Variants in PPP2CA observed in about 807,000 individuals in gnomAD.
PPP2CA encodes the protein serine/threonine-protein phosphatase 2A catalytic subunit alpha isoform.
A neutral mutation model predicts 38.8 loss-of-function variants in PPP2CA; 5 were observed. The ratio of observed to expected loss-of-function variants is 0.13; its 90% confidence interval spans 0.07 to 0.27. The LOEUF (loss-of-function observed/expected upper bound fraction) is 0.27. PPP2CA is among the 10% of genes least tolerant of loss of function. PPP2CA has a pLI of 1.00. For synonymous variants in PPP2CA, 152 were observed against 134.0 expected, an observed-to-expected ratio of 1.13 and a Z score of -0.93; for missense variants, 88 against 389.7, an observed-to-expected ratio of 0.23 and a Z score of 6.52.
chr5:134,201,937 A>C lies in PPP2CA; in HGVS notation c.397T>G (p.Cys133Gly). 1 of 1,614,060 alleles carries C rather than the reference A, an allele frequency of 6.2e-7. No homozygotes were observed. The highest frequency in any genetic ancestry group is 1.1e-5 in the South Asian group (1 of 91,056). ...TTTGCATTTCCATATTTTCTTAAAC[A>C]TTCATCATAGAAACCATAAACTTGT... ...ITQVYGFYDE[C>G]LRKYGNANVW... The change falls in exon 3 of 7, where the codon TGT (cysteine) becomes GGT (glycine). Residue 133 changes from cysteine to glycine, a missense_variant. Cys to Gly is a radical substitution (Grantham distance 159, BLOSUM62 -3). Around this residue, in one of 4 missense-constraint regions of PPP2CA, gnomAD observed 36 missense variants for 259.8 expected, o/e 0.14. Coordinates refer to ENST00000481195, the MANE Select transcript of PPP2CA (RefSeq NM_002715.4).
At position 134,203,835 on chromosome 5, in the gene PPP2CA, C is replaced by T. The variant is rs151164945; in HGVS notation, c.313-1814G>A. On this transcript the variant is annotated intron_variant, in intron 2 of 6. Coordinates refer to ENST00000481195, the MANE Select transcript of PPP2CA (RefSeq NM_002715.4). ...GGCTCAAGCAATCCTCCCACCTCAG[C>T]CTCCAGAGTGGCTAGGACTACAGCA... Among the ~76,000 whole-genome samples the T allele has an allele frequency of 1.2e-3, 185 of 152,284 alleles. 1 individual carries two copies. In the East Asian group the frequency reaches 0.034, roughly 28 times the overall value.
rs1761868389 is a variant in PPP2CA at position 134,197,079 on chromosome 5, AT to A, written c.*692del. The A allele has an allele frequency of 6.6e-6, 1 of 152,644 alleles. No individual in the cohort carries two copies. Among genetic ancestry groups the A allele is most frequent in the East Asian group, 1.9e-4 (1 of 5,202 alleles). The allele number at this position is 152,644 out of a possible 1,614,324, so 9.5% of individuals were successfully genotyped here. On this transcript the variant is annotated 3_prime_UTR_variant, in exon 7 of 7. Transcript: ENST00000481195. Reference sequence around the variant, plus strand: ...AGTCTTGCCCATTGATACAATTAAAATTTGACCTTCTCAGTTCTTAGTTCAC... The same window carrying A: ...AGTCTTGCCCATTGATACAATTAAAATTGACCTTCTCAGTTCTTAGTTCAC...
intron 1 of PPP2CA, among the ~76,000 whole-genome samples, chr5:134,217,989 A>G (rs1156648001): frequency 1.3e-5 from 2 of 152,216 alleles, no homozygotes; most frequent in Non-Finnish European, 2.9e-5. Flanking sequence ...TAAACAATAT[A>G]AAGTGTTACA....
In PPP2CA at chr5:134,201,899, A is replaced by G. The variant is rs1442906970; in HGVS notation, c.435T>C (p.Tyr145=). ...GAAGATAGTCAAAAAGATCTGTAAA[A>G]TATTTCCAAACATTTGCATTTCCAT... The part of the protein sequence containing the change: ...RKYGNANVWK[Y]FTDLFDYLPL... Residue 145 remains tyrosine, a synonymous_variant, in exon 3 of 7, where the codon TAT becomes TAC. Transcript: ENST00000481195. The G allele has an allele frequency of 5.0e-6, 8 of 1,613,874 alleles. No homozygotes were observed. Among genetic ancestry groups the G allele is most frequent in the African/African-American group, 1.3e-5 (1 of 74,916 alleles).
rs182338714 is a variant in PPP2CA, at chr5:134,197,450, T to A, written c.*322A>T. The A allele has an allele frequency of 1.5e-5, 4 of 275,664 alleles. No homozygotes were observed. 17.1% of individuals were successfully genotyped at this position (275,664 alleles called of 1,614,324 possible). A position where few individuals can be genotyped will look rare whatever the true frequency, so the allele number is the denominator to read the frequency against. On this transcript the variant is annotated 3_prime_UTR_variant, in exon 7 of 7. Coordinates refer to ENST00000481195, the MANE Select transcript of PPP2CA (RefSeq NM_002715.4). ...TAGCTAAATGGAAGTTAAATTGTAT[T>A]CACGAGGTGTTAATGTTTACATCTT... is the stretch of plus-strand genomic sequence containing the variant.
chr5:134,204,699 C>CAAGGA (rs1178838892), intron 2 of PPP2CA, among the ~76,000 whole-genome samples: 1 of 152,080 alleles, frequency 6.6e-6, no homozygotes, highest in African/African-American at 2.4e-5. Context: ...CTCAAGTGAT[C>CAAGGA]CTTCCCGCCT....
At chr5:134,221,967 CA>C (rs35713465) in intron 1 of PPP2CA, among the ~76,000 whole-genome samples, 9,258 of 78,140 alleles carry the variant, frequency 0.12, 582 homozygotes, top group African/African-American at 0.28. Context: ...GACCTTATCT[CA>C]AAAAAAAAAA....
At position 134,225,972 on chromosome 5, in the gene PPP2CA, G is replaced by C; in HGVS notation, c.-111C>G. 1 of 1,007,626 alleles carries C rather than the reference G, an allele frequency of 9.9e-7. No homozygotes were observed. The highest frequency in any genetic ancestry group is 1.5e-6 in the Non-Finnish European group (1 of 687,272). The allele number at this position is 1,007,626 out of a possible 1,614,324, so 62.4% of individuals were successfully genotyped here. On this transcript the variant is annotated 5_prime_UTR_variant, in exon 1 of 7. Coordinates refer to ENST00000481195, the MANE Select transcript of PPP2CA (RefSeq NM_002715.4). Reference sequence around the variant, plus strand: ...GGTTCCTCGTGTACTTCTGGCGGCTGTTGAGGCTGGCGCTGGCCCGCTGGC... The same window carrying C: ...GGTTCCTCGTGTACTTCTGGCGGCTCTTGAGGCTGGCGCTGGCCCGCTGGC...
rs1424267882 is a variant in PPP2CA, at chr5:134,200,977, AG to A, written c.576+7del. 2 of 1,586,410 alleles carry A rather than the reference AG, an allele frequency of 1.3e-6. No homozygotes were observed. The highest frequency in any genetic ancestry group is 1.7e-6 in the Non-Finnish European group (2 of 1,154,916). ...TTCTGAAAGAATTTTATCAAATAAA[AG>A]TCATACCTCATGGGGAACTTCTTGT... On this transcript the variant is annotated splice_region_variant and intron_variant, in intron 4 of 6. Coordinates refer to ENST00000481195, the MANE Select transcript of PPP2CA (RefSeq NM_002715.4).
intron 3 of PPP2CA, among the ~76,000 whole-genome samples, chr5:134,201,388 C>T (rs919928639): frequency 6.6e-5 from 10 of 152,232 alleles, no homozygotes; most frequent in African/African-American, 2.4e-4. Flanking sequence ...CACTCCTGTT[C>T]TTCCTAATAG....
intron 1 of PPP2CA, among the ~76,000 whole-genome samples, chr5:134,217,534 C>G (rs1762347328): frequency 6.6e-6 from 1 of 152,118 alleles, no homozygotes. Context: ...TTTTCAATAT[C>G]CCAAGAGAAT....
rs1232376940 is a variant in PPP2CA at position 134,200,437 on chromosome 5, A to T, written c.636T>A (p.Ser212=). 6.2e-7 allele frequency: 1 copy of T among 1,614,220 alleles called. No homozygotes were observed. Among genetic ancestry groups the T allele is most frequent in the Non-Finnish European group, 8.5e-7 (1 of 1,180,026 alleles). Residue 212 remains serine (S), a synonymous_variant, in exon 5 of 7, where the codon TCT becomes TCA. Transcript: ENST00000481195. ...DPDDRGGWGI[S]PRGAGYTFGQ... is the part of the protein sequence containing the mutation. The stretch of plus-strand genomic sequence containing the variant: ...CAAAGGTGTAACCAGCTCCTCGAGG[A>T]GATATACCCCAACCACCACGGTCAT...
At chr5:134,208,983 G>A (rs1178346303) in intron 1 of PPP2CA, among the ~76,000 whole-genome samples, 1 of 151,998 alleles carries the variant, frequency 6.6e-6, no homozygotes. Flanking sequence ...ATATATCCTC[G>A]TATTTTCTCC....
chr5:134,198,716 C>T (rs62379432), intron 6 of PPP2CA, among the ~76,000 whole-genome samples: 2,404 of 152,180 alleles, frequency 0.016, 30 homozygotes, highest in Middle Eastern at 0.034. Context: ...CAGGCAGGCG[C>T]CACCATGCTG....
chr5:134,216,781 G>T (rs922480843), intron 1 of PPP2CA, among the ~76,000 whole-genome samples: 1 of 152,064 alleles, frequency 6.6e-6, no homozygotes, highest in Non-Finnish European at 1.5e-5. Flanking sequence ...CAGGATTGTA[G>T]GTATGAGCCA....
chr5:134,202,770 T>C (rs1422515639), intron 2 of PPP2CA, among the ~76,000 whole-genome samples: 1 of 152,240 alleles, frequency 6.6e-6, no homozygotes, highest in Non-Finnish European at 1.5e-5. Flanking sequence ...TTGGATCACC[T>C]GGTAACGTTT....
At chr5:134,213,556 CAGG>C in intron 1 of PPP2CA, among the ~76,000 whole-genome samples, 1 of 151,810 alleles carries the variant, frequency 6.6e-6, no homozygotes, top group Non-Finnish European at 1.5e-5. Context: ...AAGGCTGTGG[CAGG>C]AGGATTGCTT....
At chr5:134,200,870 C>T (rs1761955185) in intron 4 of PPP2CA, 115 bp downstream of exon 4, 2 of 857,888 alleles carry the variant, frequency 2.3e-6, no homozygotes, top group Non-Finnish European at 3.7e-6. Flanking sequence ...AGAGTGCTCA[C>T]ACCTCAAGTT....
chr5:134,200,369 G>A lies in PPP2CA; in HGVS notation c.704C>T (p.Thr235Met). The change falls in exon 5 of 7, where the codon ACG becomes ATG. Residue 235 changes from threonine (T) to methionine (M), a missense_variant. Physicochemically the swap from Thr to Met is moderately conservative, Grantham distance 81. Coordinates refer to ENST00000481195, the MANE Select transcript of PPP2CA (RefSeq NM_002715.4). ...TAGCTGGTGAGCTCTAGACACCAAC[G>A]TGAGGCCATTGGCATGATTAAATGT... is the stretch of plus-strand genomic sequence containing the variant. ...SETFNHANGL[T>M]LVSRAHQLVM... 3 of 1,614,074 alleles carry A rather than the reference G, an allele frequency of 1.9e-6. No individual in the cohort carries two copies. The highest frequency in any genetic ancestry group is 2.5e-6 in the Non-Finnish European group (3 of 1,179,984).
Sources: gnomAD v4.1 joint callset for allele counts (sites outside exome capture counted in the v4.1 genomes callset) on GRCh38, gnomAD v4.1.1 for gene constraint, gnomAD v4.1.1 regional missense constraint, MANE v1.5 for transcripts, NCBI Gene and HGNC (gene_info 2026-07-23, HGNC 2026-07-21) for gene names.